Variants in SMYD3 observed in about 807,000 individuals in gnomAD.
The protein encoded by SMYD3 is histone-lysine N-methyltransferase SMYD3.
SMYD3 carries 36 observed loss-of-function variants against 57.7 expected under a neutral mutation model. The observed-to-expected ratio is 0.62, with a 90% CI of 0.48 to 0.82. The LOEUF (loss-of-function observed/expected upper bound fraction) is 0.82, where lower values mean the gene tolerates loss of function less well. Ranked by LOEUF, SMYD3 falls within the 40% of genes least tolerant of loss-of-function variation. The pLI, the probability that SMYD3 is intolerant of heterozygous loss-of-function variation, is 0.00. For missense variants in SMYD3, 515 were observed against 538.8 expected, an observed-to-expected ratio of 0.96 and a Z score of 0.44; for synonymous variants, 211 against 195.0, an observed-to-expected ratio of 1.08 and a Z score of -0.68.
intron 5 of SMYD3, among the ~76,000 whole-genome samples, chr1:246,252,140 CCCGGCTTTAGTAGGTGCCGCGGACACTGT>C (rs2063806446): frequency 8.1e-5 from 2 of 24,736 alleles, no homozygotes; most frequent in Non-Finnish European, 1.5e-4. Flanking sequence ...GGACACTGTG[CCCGGCTTTAGTAGGTGCCGCGGACACTGT>C]GCCCGGCTTT....
intron 5 of SMYD3, among the ~76,000 whole-genome samples, chr1:246,257,409 T>G (rs1053226846): frequency 5.3e-5 from 8 of 152,178 alleles, no homozygotes; most frequent in Non-Finnish European, 7.4e-5. Flanking sequence ...AATGCCTTTC[T>G]TTGTCCTTTT....
intron 10 of SMYD3, among the ~76,000 whole-genome samples, chr1:245,827,978 C>T (rs932024966): frequency 3.3e-5 from 5 of 151,644 alleles, no homozygotes; most frequent in African/African-American, 7.3e-5. Flanking sequence ...TGGGCAGACA[C>T]GAGGAAAGAA....
chr1:246,268,726 GAAAGA>G (rs923785730), intron 5 of SMYD3, among the ~76,000 whole-genome samples: 21 of 151,646 alleles, frequency 1.4e-4, no homozygotes, highest in East Asian at 1.2e-3. Context: ...AAGAGAAGAG[GAAAGA>G]AAAGAAAAGA....
intron 1 of SMYD3, among the ~76,000 whole-genome samples, chr1:246,384,285 T>A (rs1359582354): frequency 2.0e-5 from 3 of 152,164 alleles, no homozygotes; most frequent in African/African-American, 7.2e-5. Context: ...ATTTCATGTA[T>A]AGGTTGAGAC....
intron 1 of SMYD3, among the ~76,000 whole-genome samples, chr1:246,407,526 T>TG (rs1355577267): frequency 6.6e-6 from 1 of 152,128 alleles, no homozygotes; most frequent in Non-Finnish European, 1.5e-5. Context: ...TACCACACAT[T>TG]GGGTGGCTTA....
intron 5 of SMYD3, among the ~76,000 whole-genome samples, chr1:246,287,298 G>A (rs1337312150): frequency 2.6e-5 from 4 of 152,012 alleles, no homozygotes; most frequent in Admixed American, 6.6e-5. Context: ...TATAGTTTTC[G>A]GAATAATAAT....
chr1:246,322,860 G>A (rs545876313), intron 5 of SMYD3, among the ~76,000 whole-genome samples: 1 of 152,314 alleles, frequency 6.6e-6, no homozygotes, highest in Non-Finnish European at 1.5e-5. Context: ...TACATTTAGT[G>A]CAAAACAAAC....
intron 1 of SMYD3, among the ~76,000 whole-genome samples, chr1:246,446,576 A>C (rs888002339): frequency 2.0e-5 from 3 of 152,170 alleles, no homozygotes; most frequent in African/African-American, 7.2e-5. Context: ...TTGCAACAGG[A>C]TCTCCATGAC....
intron 4 of SMYD3, 71 bp from the exon 5 acceptor site, chr1:246,327,408 T>C (rs1327389727): frequency 1.5e-6 from 2 of 1,346,262 alleles, no homozygotes; most frequent in Non-Finnish European, 2.1e-6. Flanking sequence ...AAGTGTTCAA[T>C]GCTGGCTGTT....
At chr1:246,142,128 T>C (rs758922829) in intron 5 of SMYD3, among the ~76,000 whole-genome samples, 2 of 152,186 alleles carry the variant, frequency 1.3e-5, no homozygotes, top group Non-Finnish European at 2.9e-5. Context: ...CCTTAGGGGA[T>C]ACATTTCAAG....
chr1:246,206,904 GA>G (rs1279871290), intron 5 of SMYD3, among the ~76,000 whole-genome samples: 2 of 152,112 alleles, frequency 1.3e-5, no homozygotes, highest in African/African-American at 2.4e-5. Context: ...TAAATTCACA[GA>G]AAAATAACTC....
intron 5 of SMYD3, among the ~76,000 whole-genome samples, chr1:246,102,286 T>C (rs1252386090): frequency 2.0e-5 from 3 of 152,184 alleles, no homozygotes; most frequent in African/African-American, 7.2e-5. Flanking sequence ...GTCCCCAATA[T>C]TGCTGCTCTA....
intron 8 of SMYD3, among the ~76,000 whole-genome samples, chr1:245,881,346 C>G (rs1010628031): frequency 2.0e-5 from 3 of 152,194 alleles, no homozygotes; most frequent in Middle Eastern, 3.4e-3. Context: ...GTTTGTAGGT[C>G]TTGGTATGGG....
At chr1:245,885,766 A>C (rs115448531) in intron 8 of SMYD3, among the ~76,000 whole-genome samples, 2,368 of 152,312 alleles carry the variant, frequency 0.016, 64 homozygotes, top group African/African-American at 0.053. Context: ...CTAAAAGACA[A>C]TTACATAAAA....
chr1:245,891,956 G>A (rs2053410923), intron 8 of SMYD3, among the ~76,000 whole-genome samples: 1 of 152,126 alleles, frequency 6.6e-6, no homozygotes, highest in Non-Finnish European at 1.5e-5. Flanking sequence ...TGACATGGGA[G>A]GATTGCCTGA....
At chr1:246,078,169 T>C (rs530025744) in intron 5 of SMYD3, among the ~76,000 whole-genome samples, 1 of 152,272 alleles carries the variant, frequency 6.6e-6, no homozygotes, top group South Asian at 2.1e-4. Flanking sequence ...CACTCCTTAT[T>C]GGGCTATTGT....
chr1:246,327,140 A>G (rs3737246), intron 5 of SMYD3, 61 bp downstream of exon 5: 1,357,241 of 1,601,172 alleles, frequency 0.85, 577,912 homozygotes, highest in African/African-American at 0.92. Context: ...TGTAACTAAC[A>G]ACAAAATAAG....
intron 1 of SMYD3, among the ~76,000 whole-genome samples, chr1:246,495,562 G>T (rs1250293399): frequency 2.0e-5 from 3 of 151,920 alleles, no homozygotes; most frequent in Admixed American, 6.6e-5. Flanking sequence ...ACACAAAGAG[G>T]GAAAAAGTCC....
At position 246,128,460 on chromosome 1, in the gene SMYD3, T is replaced by A. The variant is rs978885590; in HGVS notation, c.532-198523A>T. On this transcript the variant is annotated intron_variant, in intron 5 of 11. Coordinates refer to ENST00000490107, the MANE Select transcript of SMYD3 (RefSeq NM_001167740.2). The stretch of plus-strand genomic sequence containing the variant: ...AAGAATGAACAATAGCACATACCAT[T>A]TACTGAGTGCTTTCTATGGGCCAGG... Among the ~76,000 whole-genome samples, 5 of 152,204 alleles carry A rather than the reference T, an allele frequency of 3.3e-5. No homozygotes were observed. In the South Asian group the frequency reaches 6.2e-4, roughly 19 times the overall value.
Sources: gnomAD v4.1 joint callset for allele counts (sites outside exome capture counted in the v4.1 genomes callset) on GRCh38, gnomAD v4.1.1 for gene constraint, MANE v1.5 for transcripts, NCBI Gene and HGNC (gene_info 2026-07-23, HGNC 2026-07-21) for gene names.